ADAMTSL3: variants seen among roughly 807,000 people sequenced by gnomAD.
ADAMTSL3 encodes ADAMTS-like protein 3.
In ADAMTSL3, 128 loss-of-function variants were observed where a neutral mutation model predicts 201.7. The ratio of observed to expected loss-of-function variants is 0.63; its 90% confidence interval spans 0.55 to 0.73. ADAMTSL3 has a LOEUF of 0.73. Among genes scored for constraint, ADAMTSL3 ranks in the 30% least tolerant of loss-of-function variants. The pLI is 0.00. For missense variants in ADAMTSL3, 1,990 were observed against 2,119.6 expected (o/e 0.94, Z 1.20); for synonymous variants, 738 against 748.4 (o/e 0.99, Z 0.23).
intron 6 of ADAMTSL3, among the ~76,000 whole-genome samples, chr15:83,823,989 T>C (rs2063957471): frequency 6.7e-6 from 1 of 149,690 alleles, no homozygotes; most frequent in Non-Finnish European, 1.5e-5. Flanking sequence ...CTCCTCCTCC[T>C]CCTTCTCCTT....
intron 3 of ADAMTSL3, among the ~76,000 whole-genome samples, chr15:83,767,640 C>T (rs1345809070): frequency 1.3e-5 from 2 of 152,206 alleles, no homozygotes; most frequent in African/African-American, 2.4e-5. Flanking sequence ...CCGCTTCTCT[C>T]AGGAGGTTTA....
intron 17 of ADAMTSL3, among the ~76,000 whole-genome samples, chr15:83,924,489 T>G (rs935627732): frequency 1.5e-4 from 23 of 152,210 alleles, no homozygotes; most frequent in African/African-American, 5.5e-4. Flanking sequence ...ACTGATGTGT[T>G]ATTACCTTCC....
chr15:83,992,398 G>C (rs1160677142), intron 23 of ADAMTSL3, among the ~76,000 whole-genome samples: 1 of 152,040 alleles, frequency 6.6e-6, no homozygotes, highest in African/African-American at 2.4e-5. Context: ...ATTGCTCCAG[G>C]CTCCCAACTG....
chr15:83,818,335 TG>T (rs756502286), intron 5 of ADAMTSL3, among the ~76,000 whole-genome samples: 15 of 152,340 alleles, frequency 9.8e-5, no homozygotes, highest in South Asian at 6.2e-4. Context: ...TTTTTTGTTT[TG>T]TTTTTTTGGC....
chr15:83,720,724 C>G (rs2062088457), intron 3 of ADAMTSL3, among the ~76,000 whole-genome samples: 1 of 152,184 alleles, frequency 6.6e-6, no homozygotes, highest in Non-Finnish European at 1.5e-5. Flanking sequence ...AACTGTGTTA[C>G]CATTAGCATA....
intron 2 of ADAMTSL3, among the ~76,000 whole-genome samples, chr15:83,685,452 A>C (rs991115843): frequency 2.0e-5 from 3 of 152,174 alleles, no homozygotes; most frequent in African/African-American, 7.2e-5. Context: ...ATATTTGTTG[A>C]ATCAGTGAAT....
intron 3 of ADAMTSL3, among the ~76,000 whole-genome samples, chr15:83,754,757 G>A (rs2062691913): frequency 6.6e-6 from 1 of 152,126 alleles, no homozygotes; most frequent in Non-Finnish European, 1.5e-5. Context: ...TTTAATAGAT[G>A]ATAAGGAAAT....
intron 3 of ADAMTSL3, among the ~76,000 whole-genome samples, chr15:83,768,540 CAA>C (rs768733894): frequency 2.6e-4 from 40 of 152,176 alleles, no homozygotes; most frequent in South Asian, 6.2e-4. Flanking sequence ...CGATGTGCGC[CAA>C]GAGAGAGCAT....
chr15:83,658,558 T>C (rs905787764), intron 2 of ADAMTSL3, among the ~76,000 whole-genome samples: 1 of 152,246 alleles, frequency 6.6e-6, no homozygotes, highest in Non-Finnish European at 1.5e-5. Context: ...AGGAGCTCAC[T>C]GTTCCCCTCA....
In ADAMTSL3 at chr15:83,891,276, G is replaced by C. The variant is rs2065493784; in HGVS notation, c.1212-53G>C. ...TCAAATATTATATTCGTCAATTAAT[G>C]AATGTGTTAATTTATTATAGAAATG... On this transcript the variant is annotated intron_variant, in intron 11 of 29. Coordinates refer to ENST00000286744, the MANE Select transcript of ADAMTSL3 (RefSeq NM_207517.3). 2.2e-6 allele frequency: 3 copies of C among 1,356,568 alleles called. No individual in the cohort carries two copies. In the African/African-American group the frequency reaches 4.3e-5, roughly 19 times the overall value. 84.0% of individuals were successfully genotyped at this position (1,356,568 alleles called of 1,614,324 possible).
At chr15:83,896,732 C>G (rs2065623356) in intron 13 of ADAMTSL3, among the ~76,000 whole-genome samples, 1 of 151,744 alleles carries the variant, frequency 6.6e-6, no homozygotes, top group Non-Finnish European at 1.5e-5. Flanking sequence ...ATATACACTC[C>G]CCAACATGCA....
intron 3 of ADAMTSL3, among the ~76,000 whole-genome samples, chr15:83,728,813 G>C (rs2554387): frequency 0.2 from 30,375 of 151,966 alleles, 3,956 homozygotes; most frequent in Middle Eastern, 0.37. Context: ...ATAATATTCT[G>C]TGTTTTTCTG....
At chr15:83,776,533 C>T (rs1214470069) in intron 4 of ADAMTSL3, among the ~76,000 whole-genome samples, 7 of 152,166 alleles carry the variant, frequency 4.6e-5, no homozygotes, top group Admixed American at 4.6e-4. Context: ...GCCTGACCAA[C>T]ATGGAGAAAG....
chr15:83,785,701 T>G lies in ADAMTSL3; in HGVS notation c.317+12051T>G, dbSNP rs577091110. On this transcript the variant is annotated intron_variant, in intron 4 of 29. Coordinates refer to ENST00000286744, the MANE Select transcript of ADAMTSL3 (RefSeq NM_207517.3). ...CTTCTATTATATTATTCACTGTTGG[T>G]TCTTACCCATTTGTTTTGGCTTTTT... Among the ~76,000 whole-genome samples, 4 of 152,256 alleles carry G rather than the reference T, an allele frequency of 2.6e-5. No homozygotes were observed. The East Asian group carries it at 7.7e-4, about 29-fold the overall frequency.
At position 83,991,094 on chromosome 15, in the gene ADAMTSL3, G is replaced by T. The variant is rs138821000; in HGVS notation, c.3853G>T (p.Val1285Phe). Residue 1285 changes from valine to phenylalanine, a missense_variant, in exon 23 of 30, where the codon GTC (valine) becomes TTC (phenylalanine). Transcript: ENST00000286744. ...GCTCCCTTTGAATTAAGAGGCACCT[G>T]TCATCTTGTCTGTTGAAAGAAATAT... ...SSSVLYAEAP[V>F]ILSVERNITK... 1.2e-6 allele frequency: 2 copies of T among 1,614,200 alleles called. No homozygotes were observed. Among genetic ancestry groups the T allele is most frequent in the Non-Finnish European group, 1.7e-6 (2 of 1,180,022 alleles).
chr15:83,943,238 G>A (rs758508813), intron 19 of ADAMTSL3, among the ~76,000 whole-genome samples, 156 bp downstream of exon 19: 1 of 152,184 alleles, frequency 6.6e-6, no homozygotes, highest in Non-Finnish European at 1.5e-5. Context: ...TCTCGGGTTT[G>A]TGCAAGTTCC....
At chr15:83,754,578 A>G (rs183729191) in intron 3 of ADAMTSL3, among the ~76,000 whole-genome samples, 32 of 152,326 alleles carry the variant, frequency 2.1e-4, no homozygotes, top group Admixed American at 1.4e-3. Flanking sequence ...CCTACATCCT[A>G]CTTTCTAGAA....
At chr15:83,669,306 C>T (rs778583490) in intron 2 of ADAMTSL3, among the ~76,000 whole-genome samples, 30 of 151,704 alleles carry the variant, frequency 2.0e-4, no homozygotes, top group South Asian at 1.3e-3. Context: ...CCACCACGCG[C>T]GGCTAATTTT....
chr15:83,954,033 G>A (rs2066805805), intron 19 of ADAMTSL3, among the ~76,000 whole-genome samples: 2 of 152,076 alleles, frequency 1.3e-5, no homozygotes, highest in African/African-American at 4.8e-5. Context: ...AAGTATGCTT[G>A]GTATTATATA....
Sources: gnomAD v4.1 joint callset for allele counts (sites outside exome capture counted in the v4.1 genomes callset) on GRCh38, gnomAD v4.1.1 for gene constraint, MANE v1.5 for transcripts, NCBI Gene and HGNC (gene_info 2026-07-23, HGNC 2026-07-21) for gene names.